CNTNAP5: variants seen among roughly 807,000 people sequenced by gnomAD.
CNTNAP5 encodes contactin associated protein family member 5, also known as contactin-associated protein-like 5.
A neutral mutation model predicts 150.2 loss-of-function variants in CNTNAP5; 72 were observed. The ratio of observed to expected loss-of-function variants is 0.48; its 90% CI spans 0.40 to 0.58. CNTNAP5 has a LOEUF of 0.58. Among genes scored for constraint, CNTNAP5 ranks in the 20% least tolerant of loss-of-function variants. The pLI is 0.00. For synonymous variants in CNTNAP5, 672 were observed against 619.8 expected (o/e 1.08, Z -1.25); for missense variants, 1,636 against 1,626.2 (o/e 1.01, Z -0.10).
chr2:124,613,432 C>T, intron 12 of CNTNAP5, among the ~76,000 whole-genome samples: 1 of 152,222 alleles, frequency 6.6e-6, no homozygotes, highest in Non-Finnish European at 1.5e-5. Context: ...GGGGCCCAAG[C>T]CCACATCTGT....
chr2:124,169,087 T>G (rs1278966127), intron 1 of CNTNAP5, among the ~76,000 whole-genome samples: 3 of 149,216 alleles, frequency 2.0e-5, no homozygotes, highest in African/African-American at 4.9e-5. Flanking sequence ...TGATGCTGCT[T>G]CTTTTTTTTT....
chr2:124,835,996 A>G (rs1485885586), intron 19 of CNTNAP5, among the ~76,000 whole-genome samples: 3 of 152,004 alleles, frequency 2.0e-5, no homozygotes, highest in African/African-American at 7.2e-5. Context: ...AAAATATCAG[A>G]GAGAGAGAGA....
At chr2:124,653,677 G>T (rs529767682) in intron 13 of CNTNAP5, among the ~76,000 whole-genome samples, 19 of 148,204 alleles carry the variant, frequency 1.3e-4, no homozygotes, top group Non-Finnish European at 2.2e-4. Context: ...AGGTAGAAAA[G>T]AAACAGTATG....
chr2:124,697,112 G>C (rs775464766), intron 13 of CNTNAP5, among the ~76,000 whole-genome samples: 2 of 151,902 alleles, frequency 1.3e-5, no homozygotes, highest in Non-Finnish European at 2.9e-5. Flanking sequence ...ATCTTTATTT[G>C]TTTTAGAATT....
intron 19 of CNTNAP5, among the ~76,000 whole-genome samples, chr2:124,804,331 G>C (rs1682036741): frequency 6.6e-6 from 1 of 152,160 alleles, no homozygotes; most frequent in South Asian, 2.1e-4. Context: ...GGCCTGACTG[G>C]AGAAACAGTG....
chr2:124,885,329 C>G (rs2104742270), intron 21 of CNTNAP5, among the ~76,000 whole-genome samples: 1 of 152,020 alleles, frequency 6.6e-6, no homozygotes, highest in East Asian at 1.9e-4. Context: ...TTACAACATA[C>G]CTTTACAGCA....
chr2:124,670,161 C>CTTCCTTCCTTCT (rs1678786002), intron 13 of CNTNAP5, among the ~76,000 whole-genome samples: 3 of 134,370 alleles, frequency 2.2e-5, no homozygotes, highest in South Asian at 2.4e-4. Context: ...TCCTTCCTTC[C>CTTCCTTCCTTCT]TTCCTTCCTT....
Position 124,920,819 on chromosome 2 carries a change from T to A in CNTNAP5, c.*6531T>A, listed in dbSNP as rs1307250519. On this transcript the variant is annotated 3_prime_UTR_variant, in exon 24 of 24. Transcript: ENST00000682447. ...GGGAAGTAAGTCTTCCTATGGCATG[T>A]TCAGGCCCTCCTTTTCAGGGAATGA... is the stretch of plus-strand genomic sequence containing the variant. 2.0e-5 allele frequency among the ~76,000 whole-genome samples: 3 copies of A among 152,158 alleles called. No individual in the cohort carries two copies. Among genetic ancestry groups the A allele is most frequent in the Non-Finnish European group, 4.4e-5 (3 of 68,018 alleles).
intron 19 of CNTNAP5, among the ~76,000 whole-genome samples, chr2:124,859,957 T>A (rs2104713676): frequency 6.6e-6 from 1 of 152,026 alleles, no homozygotes; most frequent in Non-Finnish European, 1.5e-5. Context: ...ATACTTAATG[T>A]AAATGATGAG....
intron 1 of CNTNAP5, among the ~76,000 whole-genome samples, chr2:124,031,406 C>A (rs1055072850): frequency 5.3e-5 from 8 of 152,090 alleles, no homozygotes; most frequent in African/African-American, 1.9e-4. Context: ...TAGAGTATTA[C>A]TTTTAAAATT....
chr2:124,438,159 A>G (rs969076813), intron 5 of CNTNAP5, among the ~76,000 whole-genome samples: 4 of 152,144 alleles, frequency 2.6e-5, no homozygotes, highest in Admixed American at 1.3e-4. Context: ...GCAAAATTGA[A>G]CTATGTGGTT....
intron 3 of CNTNAP5, among the ~76,000 whole-genome samples, chr2:124,256,284 T>C (rs562151298): frequency 5.9e-5 from 9 of 152,290 alleles, no homozygotes; most frequent in African/African-American, 2.2e-4. Context: ...TAAAGCAAAC[T>C]AAGGATATGC....
intron 1 of CNTNAP5, among the ~76,000 whole-genome samples, chr2:124,071,480 A>G (rs1486471140): frequency 1.3e-5 from 2 of 151,940 alleles, no homozygotes; most frequent in African/African-American, 4.8e-5. Context: ...AAAAGAGAGA[A>G]GACCCAGATA....
intron 19 of CNTNAP5, among the ~76,000 whole-genome samples, chr2:124,829,434 G>A (rs1682667556): frequency 6.6e-6 from 1 of 152,090 alleles, no homozygotes; most frequent in Non-Finnish European, 1.5e-5. Flanking sequence ...TTGTTGGAAA[G>A]CATATTTTGA....
chr2:124,622,125 C>T (rs1677629647), intron 12 of CNTNAP5, among the ~76,000 whole-genome samples: 1 of 152,028 alleles, frequency 6.6e-6, no homozygotes, highest in South Asian at 2.1e-4. Flanking sequence ...CCCCGAACCC[C>T]CACCCTTTGA....
At chr2:124,371,923 A>T (rs1167641874) in intron 3 of CNTNAP5, among the ~76,000 whole-genome samples, 3 of 151,948 alleles carry the variant, frequency 2.0e-5, no homozygotes, top group African/African-American at 7.3e-5. Flanking sequence ...TGTCATCTTG[A>T]CTCGATTGAG....
intron 12 of CNTNAP5, among the ~76,000 whole-genome samples, chr2:124,617,489 C>A (rs776093996): frequency 3.9e-5 from 6 of 152,044 alleles, no homozygotes; most frequent in Non-Finnish European, 7.4e-5. Flanking sequence ...AGATTGCTAC[C>A]CTGCCTTCAT....
At chr2:124,880,576 T>G (rs1453557666) in intron 21 of CNTNAP5, among the ~76,000 whole-genome samples, 1 of 152,102 alleles carries the variant, frequency 6.6e-6, no homozygotes, top group East Asian at 1.9e-4. Flanking sequence ...AGATAAACAT[T>G]ATATAAATAT....
At chr2:124,274,590 G>A (rs1687840986) in intron 3 of CNTNAP5, among the ~76,000 whole-genome samples, 1 of 152,138 alleles carries the variant, frequency 6.6e-6, no homozygotes, top group African/African-American at 2.4e-5. Flanking sequence ...TTTAAGGACT[G>A]GGTACATGGC....
Sources: gnomAD v4.1 joint callset for allele counts (sites outside exome capture counted in the v4.1 genomes callset) on GRCh38, gnomAD v4.1.1 for gene constraint, MANE v1.5 for transcripts, NCBI Gene and HGNC (gene_info 2026-07-23, HGNC 2026-07-21) for gene names.